RIMS1: variants seen among roughly 807,000 people sequenced by gnomAD.
RIMS1 encodes the protein regulating synaptic membrane exocytosis 1, also known as regulating synaptic membrane exocytosis protein 1.
In RIMS1, 83 loss-of-function variants were observed where a neutral mutation model predicts 214.1. The ratio of observed to expected loss-of-function variants is 0.39; its 90% CI spans 0.32 to 0.47. The LOEUF is 0.47. Among genes scored for constraint, RIMS1 ranks in the 20% least tolerant of loss-of-function variants. The pLI is 0.99. For synonymous variants in RIMS1, 793 were observed against 786.8 expected, an observed-to-expected ratio of 1.01 and a Z score of -0.13; for missense variants, 2,050 against 2,161.8, an observed-to-expected ratio of 0.95 and a Z score of 1.03.
At chr6:72,215,964 T>G (rs2055803940) in intron 6 of RIMS1, among the ~76,000 whole-genome samples, 1 of 152,186 alleles carries the variant, frequency 6.6e-6, no homozygotes. Flanking sequence ...TGAAAGATGT[T>G]CCTAATTTTC....
At chr6:72,015,995 G>A (rs1812622898) in intron 2 of RIMS1, among the ~76,000 whole-genome samples, 1 of 152,100 alleles carries the variant, frequency 6.6e-6, no homozygotes. Flanking sequence ...TTCTATTTTA[G>A]TTTACTGATT....
chr6:72,266,236 G>C, intron 22 of RIMS1, 187 bp downstream of exon 22: 1 of 619,180 alleles, frequency 1.6e-6, no homozygotes, highest in Non-Finnish European at 2.9e-6. Flanking sequence ...AAACCCAAGG[G>C]TACACATACA....
At chr6:72,236,899 T>C (rs927509136) in intron 8 of RIMS1, among the ~76,000 whole-genome samples, 1 of 152,106 alleles carries the variant, frequency 6.6e-6, no homozygotes, top group Non-Finnish European at 1.5e-5. Context: ...ACAAGCTTGC[T>C]TTTAAGAAAT....
rs1162311377 is a variant in RIMS1, at chr6:72,340,333, G to A, written c.4366+6498G>A. On this transcript the variant is annotated intron_variant, in intron 29 of 33. Coordinates refer to ENST00000521978, the MANE Select transcript of RIMS1 (RefSeq NM_014989.7). Reference sequence around the variant, plus strand: ...TTTGGCTTTTGTTGCCATTGCTTTTGGTGTTTTAGACATGAAGTCCTTGCC... The same window carrying A: ...TTTGGCTTTTGTTGCCATTGCTTTTAGTGTTTTAGACATGAAGTCCTTGCC... Among the ~76,000 whole-genome samples the A allele has an allele frequency of 3.3e-5, 5 of 151,592 alleles. No homozygotes were observed. The East Asian group carries it at 5.8e-4, about 18-fold the overall frequency.
At chr6:72,021,824 A>G (rs528488279) in intron 2 of RIMS1, among the ~76,000 whole-genome samples, 2 of 152,200 alleles carry the variant, frequency 1.3e-5, no homozygotes, top group African/African-American at 4.8e-5. Flanking sequence ...ATAGGTCTGC[A>G]TGGAGCCATC....
intron 1 of RIMS1, among the ~76,000 whole-genome samples, chr6:71,935,388 T>A (rs1394718067): frequency 1.3e-5 from 2 of 152,262 alleles, no homozygotes; most frequent in Admixed American, 1.3e-4. Flanking sequence ...TTAAGTGTTA[T>A]GAAGAATTTT....
intron 2 of RIMS1, among the ~76,000 whole-genome samples, chr6:72,075,876 A>G (rs1188596564): frequency 2.0e-5 from 3 of 152,234 alleles, no homozygotes; most frequent in Non-Finnish European, 4.4e-5. Flanking sequence ...AATTGTTTTT[A>G]TAGAATTCTT....
At chr6:72,257,122 GAAC>G (rs1018208223) in intron 16 of RIMS1, among the ~76,000 whole-genome samples, 3 of 151,672 alleles carry the variant, frequency 2.0e-5, no homozygotes, top group African/African-American at 7.2e-5. Flanking sequence ...AGTAAAAAAT[GAAC>G]AACAGTTTTA....
intron 4 of RIMS1, among the ~76,000 whole-genome samples, chr6:72,165,969 C>T (rs995930143): frequency 8.5e-5 from 13 of 152,132 alleles, no homozygotes; most frequent in Non-Finnish European, 8.8e-5. Flanking sequence ...TTATTTTGCT[C>T]TTCGTATTAA....
rs75384686 is a variant in RIMS1 at position 72,369,605 on chromosome 6, T to C, written c.4367-20993T>C. Among the ~76,000 whole-genome samples, 1,118 of 152,284 alleles carry C rather than the reference T, an allele frequency of 7.3e-3. 14 individuals are homozygous for C. The highest frequency in any genetic ancestry group is 0.026 in the African/African-American group (1,070 of 41,548). On this transcript the variant is annotated intron_variant, in intron 29 of 33. Transcript: ENST00000521978. ...TCTGCTCTTAAGGGCTTTCCACTGA[T>C]TGAATTAGGCACACTCAAATTATCT...
At chr6:72,077,387 C>T (rs1832189629) in intron 2 of RIMS1, among the ~76,000 whole-genome samples, 1 of 152,160 alleles carries the variant, frequency 6.6e-6, no homozygotes, top group South Asian at 2.1e-4. Flanking sequence ...TTTATATCAC[C>T]AGTGCCTCAA....
chr6:72,313,516 A>G lies in RIMS1; in HGVS notation c.3974A>G (p.His1325Arg), dbSNP rs757191103. The G allele has an allele frequency of 5.0e-6, 8 of 1,613,094 alleles. No homozygotes were observed. The East Asian group carries it at 6.7e-5, about 13-fold the overall frequency. The change falls in exon 28 of 34, where the codon CAT becomes CGT. Residue 1325 changes from histidine to arginine, a missense_variant. Physicochemically the swap from His to Arg is conservative, Grantham distance 29. Transcript: ENST00000521978. ...GTTTTTAATCTTTAGTATAACATAC[A>G]TAAAGATCAGTACAGAAGCTGTGAT... ...DREQYSKYNI[H>R]KDQYRSCDNV...
intron 2 of RIMS1, among the ~76,000 whole-genome samples, chr6:71,987,756 G>A (rs1214379606): frequency 5.9e-5 from 9 of 152,146 alleles, no homozygotes; most frequent in African/African-American, 2.2e-4. Context: ...ATTAGTCAAG[G>A]GTTTGAAGTT....
intron 29 of RIMS1, among the ~76,000 whole-genome samples, chr6:72,352,234 A>C (rs1414398023): frequency 1.1e-4 from 17 of 152,100 alleles, no homozygotes; most frequent in Admixed American, 1.1e-3. Context: ...TAGCTAATTC[A>C]CTCATCCACA....
At chr6:71,894,880 T>C (rs1346518785) in intron 1 of RIMS1, among the ~76,000 whole-genome samples, 1 of 152,198 alleles carries the variant, frequency 6.6e-6, no homozygotes, top group Non-Finnish European at 1.5e-5. Context: ...TAAAGCATAA[T>C]GAATGAAAGA....
chr6:72,083,347 G>C (rs1486004670), intron 2 of RIMS1, among the ~76,000 whole-genome samples: 1 of 150,238 alleles, frequency 6.7e-6, no homozygotes, highest in African/African-American at 2.4e-5. Context: ...TTTGTTTGTT[G>C]TGAATCAGCA....
At chr6:72,237,784 G>C in intron 8 of RIMS1, 39 bp from the exon 9 acceptor site, 2 of 1,381,526 alleles carry the variant, frequency 1.4e-6, no homozygotes, top group Non-Finnish European at 2.1e-6. Flanking sequence ...TTATGTTTTA[G>C]TATGAGTCTT....
intron 1 of RIMS1, among the ~76,000 whole-genome samples, chr6:71,965,826 G>A (rs1794297168): frequency 6.6e-6 from 1 of 152,108 alleles, no homozygotes; most frequent in African/African-American, 2.4e-5. Flanking sequence ...GGTAATTCTG[G>A]GAAGTCAGCA....
intron 2 of RIMS1, among the ~76,000 whole-genome samples, chr6:72,051,814 A>G (rs1462959108): frequency 6.6e-6 from 1 of 152,196 alleles, no homozygotes; most frequent in Non-Finnish European, 1.5e-5. Flanking sequence ...ATTAACTACA[A>G]AAGTGGTTAA....
Sources: gnomAD v4.1 joint callset for allele counts (sites outside exome capture counted in the v4.1 genomes callset) on GRCh38, gnomAD v4.1.1 for gene constraint, MANE v1.5 for transcripts, NCBI Gene and HGNC (gene_info 2026-07-23, HGNC 2026-07-21) for gene names.